The following MBTD1 variants were observed in gnomAD, a reference collection of about 807,000 sequenced individuals.
The protein encoded by MBTD1 is MBT domain-containing protein 1.
MBTD1 carries 24 observed loss-of-function variants against 87.8 expected under a neutral mutation model. The observed-to-expected ratio is 0.27, with a 90% confidence interval of 0.20 to 0.38. The LOEUF is 0.38. Ranked by LOEUF, MBTD1 falls within the 10% of genes least tolerant of loss-of-function variation. The pLI is 1.00. For missense variants in MBTD1, 436 were observed against 760.2 expected (o/e 0.57, Z 5.02); for synonymous variants, 237 against 248.6 (o/e 0.95, Z 0.44).
intron 16 of MBTD1, among the ~76,000 whole-genome samples, chr17:51,186,851 C>G (rs1475710897): frequency 5.9e-5 from 9 of 151,750 alleles, no homozygotes; most frequent in Admixed American, 5.9e-4. Flanking sequence ...AAAGTCTCTG[C>G]TTGAGATGGG....
intron 7 of MBTD1, 83 bp downstream of exon 7, chr17:51,206,805 G>T: frequency 1.0e-6 from 1 of 974,744 alleles, no homozygotes; most frequent in Non-Finnish European, 1.6e-6. Context: ...GGCAATACTT[G>T]CAAAATTTAT....
chr17:51,189,085 G>A (rs1432889239), intron 16 of MBTD1, among the ~76,000 whole-genome samples: 3 of 152,156 alleles, frequency 2.0e-5, no homozygotes, highest in East Asian at 3.9e-4. Context: ...AAAGAACTTT[G>A]GCAACAAAGC....
At chr17:51,240,688 T>C (rs1040108331) in intron 2 of MBTD1, among the ~76,000 whole-genome samples, 6 of 152,176 alleles carry the variant, frequency 3.9e-5, no homozygotes, top group East Asian at 1.9e-4. Context: ...TGCTGTGAAG[T>C]TACTCTGAAT....
intron 16 of MBTD1, chr17:51,191,643 G>C (rs186405337): frequency 6.9e-6 from 1 of 145,314 alleles, no homozygotes; most frequent in Non-Finnish European, 1.5e-5. Context: ...ATGTAGTGGC[G>C]TGATCTTGGC....
intron 2 of MBTD1, among the ~76,000 whole-genome samples, chr17:51,258,117 T>C (rs1479331917): frequency 1.3e-5 from 2 of 152,066 alleles, no homozygotes; most frequent in Non-Finnish European, 1.5e-5. Context: ...AGCAACAGTC[T>C]CTAAGTTATA....
Position 51,200,281 on chromosome 17 carries a change from A to G in MBTD1, c.1224+1311T>C, listed in dbSNP as rs368061304. On this transcript the variant is annotated intron_variant, in intron 12 of 16. Coordinates refer to ENST00000586178, the MANE Select transcript of MBTD1 (RefSeq NM_017643.3). ...GAGACCTTAAAAAAATGCCAATGTT[A>G]GCCAGGCAGGTGGCTCCTGCCTGTA... is the stretch of plus-strand genomic sequence containing the variant. Among the ~76,000 whole-genome samples, 20 of 152,268 alleles carry G rather than the reference A, an allele frequency of 1.3e-4. No homozygotes were observed. The East Asian group carries it at 3.5e-3, about 26-fold the overall frequency.
intron 1 of MBTD1, 118 bp from the exon 2 acceptor site, chr17:51,259,324 C>T (rs2055302102): frequency 8.8e-6 from 10 of 1,133,448 alleles, no homozygotes; most frequent in Non-Finnish European, 1.1e-5. Flanking sequence ...CCACTCCCAC[C>T]TCTCCCGCAC....
chr17:51,253,967 A>G (rs925114342), intron 2 of MBTD1, among the ~76,000 whole-genome samples: 2 of 152,216 alleles, frequency 1.3e-5, no homozygotes, highest in African/African-American at 4.8e-5. Flanking sequence ...AGTAATATTA[A>G]TAATAGTGTA....
At chr17:51,222,137 A>T (rs1246756741) in intron 3 of MBTD1, among the ~76,000 whole-genome samples, 1 of 152,246 alleles carries the variant, frequency 6.6e-6, no homozygotes, top group Non-Finnish European at 1.5e-5. Context: ...TCCCACAAGT[A>T]GGATGCAAGT....
In MBTD1 at chr17:51,207,005, C is replaced by G; in HGVS notation, c.487G>C (p.Ala163Pro). The stretch of plus-strand genomic sequence containing the variant: ...TCACCCCAGCAGGTCCCCATAGGTG[C>G]CTGTCACATAAAAATCATTAAATTA... ...IAAPVTCFKH[A>P]PMGTCWGDIS... Residue 163 changes from alanine to proline, a missense_variant and splice_region_variant, in exon 7 of 17, where the codon GCA becomes CCA. By Grantham distance (27) the Ala-to-Pro change is conservative. This residue lies in a region of MBTD1 where 268 missense variants were observed against 401.8 expected (regional missense o/e 0.67). Transcript: ENST00000586178. 6.4e-7 allele frequency: 1 copy of G among 1,551,754 alleles called. No individual in the cohort carries two copies. Among genetic ancestry groups the G allele is most frequent in the Non-Finnish European group, 8.9e-7 (1 of 1,124,848 alleles).
At chr17:51,251,605 CT>C (rs2054787766) in intron 2 of MBTD1, 2 of 152,204 alleles carry the variant, frequency 1.3e-5, no homozygotes, top group African/African-American at 4.8e-5. Flanking sequence ...AGCCTTCCCT[CT>C]CTCACTCTTA....
At position 51,179,524 on chromosome 17, in the gene MBTD1, A is replaced by ATATATATTTT. The variant is rs2050229469; in HGVS notation, c.*1051_*1052insAAAATATATA. On this transcript the variant is annotated 3_prime_UTR_variant, in exon 17 of 17. Coordinates refer to ENST00000586178, the MANE Select transcript of MBTD1 (RefSeq NM_017643.3). ...TATATATATATATATATATATATAT[A>ATATATATTTT]TATATATATATATGGAATTTTAAGA... 4.6e-5 allele frequency: 5 copies of ATATATATTTT among 107,970 alleles called. No individual in the cohort carries two copies. The highest frequency in any genetic ancestry group is 1.6e-4 in the African/African-American group (5 of 31,268). The allele number at this position is 107,970 out of a possible 1,614,324, so 6.7% of individuals were successfully genotyped here.
At chr17:51,250,664 C>T (rs1458402484) in intron 2 of MBTD1, 1 of 152,222 alleles carries the variant, frequency 6.6e-6, no homozygotes, top group Non-Finnish European at 1.5e-5. Flanking sequence ...TCTTTACAGT[C>T]ATACAGCTTT....
At position 51,253,021 on chromosome 17, in the gene MBTD1, A is replaced by AT. The variant is rs984603661; in HGVS notation, c.-49+6121dup. Among the ~76,000 whole-genome samples, 205 of 151,786 alleles carry AT rather than the reference A, an allele frequency of 1.4e-3. 1 individual carries two copies. The highest frequency in any genetic ancestry group is 4.6e-3 in the African/African-American group (191 of 41,408). Reference sequence around the variant, plus strand: ...TCAGAGCTGAATTGGGACAAGGACCATTTTTTTTGGAATACTTTTAGCATT... The same window carrying AT: ...TCAGAGCTGAATTGGGACAAGGACCATTTTTTTTTGGAATACTTTTAGCATT... On this transcript the variant is annotated intron_variant, in intron 2 of 16. Coordinates refer to ENST00000586178, the MANE Select transcript of MBTD1 (RefSeq NM_017643.3).
intron 3 of MBTD1, among the ~76,000 whole-genome samples, chr17:51,221,254 C>T (rs1441574736): frequency 2.0e-5 from 3 of 152,196 alleles, no homozygotes; most frequent in Admixed American, 1.3e-4. Flanking sequence ...GCTATGATCG[C>T]ACCACTGCAC....
intron 10 of MBTD1, 95 bp downstream of exon 10, chr17:51,202,606 T>G (rs943842207): frequency 1.1e-6 from 1 of 933,786 alleles, no homozygotes; most frequent in Admixed American, 1.9e-5. Flanking sequence ...TAGAATGCTA[T>G]TTTTCATCTA....
intron 6 of MBTD1, among the ~76,000 whole-genome samples, chr17:51,214,501 C>T (rs919904517): frequency 5.9e-5 from 9 of 152,068 alleles, no homozygotes; most frequent in African/African-American, 2.2e-4. Context: ...GATTTTAGAA[C>T]TAATCACAGT....
intron 2 of MBTD1, among the ~76,000 whole-genome samples, chr17:51,235,905 T>C (rs1598404082): frequency 6.6e-6 from 1 of 152,280 alleles, no homozygotes; most frequent in Middle Eastern, 3.4e-3. Context: ...AGATATATTA[T>C]AAAGCTACAG....
chr17:51,212,805 A>G (rs1166062367), intron 6 of MBTD1, among the ~76,000 whole-genome samples: 1 of 152,172 alleles, frequency 6.6e-6, no homozygotes, highest in Non-Finnish European at 1.5e-5. Context: ...TGCTTAGGCT[A>G]GAGTGCAGTG....
Sources: gnomAD v4.1 joint callset for allele counts (sites outside exome capture counted in the v4.1 genomes callset) on GRCh38, gnomAD v4.1.1 for gene constraint, gnomAD v4.1.1 regional missense constraint, MANE v1.5 for transcripts, NCBI Gene and HGNC (gene_info 2026-07-23, HGNC 2026-07-21) for gene names.